The following CLASP1 variants were observed in gnomAD, a reference collection of about 807,000 sequenced individuals.
The protein encoded by CLASP1 is cytoplasmic linker associated protein 1.
In CLASP1, 38 loss-of-function variants were observed where a neutral mutation model predicts 192.3. The ratio of observed to expected loss-of-function variants is 0.20; its 90% CI spans 0.15 to 0.26. The LOEUF is 0.26. Ranked by LOEUF, CLASP1 falls within the 10% of genes least tolerant of loss-of-function variation. CLASP1 has a pLI of 1.00. For missense variants in CLASP1, 1,433 were observed against 1,932.5 expected (o/e 0.74, Z 4.85); for synonymous variants, 691 against 712.8 (o/e 0.97, Z 0.49).
At chr2:121,354,927 T>C (rs2065122594) in intron 37 of CLASP1, among the ~76,000 whole-genome samples, 1 of 152,152 alleles carries the variant, frequency 6.6e-6, no homozygotes, top group Non-Finnish European at 1.5e-5. Flanking sequence ...GGTAACTGAT[T>C]GCCGGGTTCG....
intron 8 of CLASP1, among the ~76,000 whole-genome samples, chr2:121,479,405 A>G (rs542091306): frequency 4.6e-5 from 7 of 152,350 alleles, no homozygotes; most frequent in Non-Finnish European, 7.3e-5. Context: ...GAAAACAACA[A>G]TAGCATCAAT....
chr2:121,527,940 A>C, intron 4 of CLASP1, 50 bp from the exon 5 acceptor site: 1 of 1,462,014 alleles, frequency 6.8e-7, no homozygotes, highest in Non-Finnish European at 9.6e-7. Flanking sequence ...GCTGCAGCTG[A>C]CACTTTATAA....
At chr2:121,348,915 C>T (rs988295508) in intron 37 of CLASP1, among the ~76,000 whole-genome samples, 197 bp from the exon 39 acceptor site, 2 of 152,084 alleles carry the variant, frequency 1.3e-5, no homozygotes, top group African/African-American at 4.8e-5. Flanking sequence ...CACGGAAAGG[C>T]AGGTCTAGGG....
chr2:121,360,804 C>T (rs994232937), intron 37 of CLASP1, among the ~76,000 whole-genome samples: 36 of 152,194 alleles, frequency 2.4e-4, no homozygotes, highest in Admixed American at 1.2e-3. Flanking sequence ...CACATCTCCT[C>T]CACCAGCTCT....
chr2:121,530,347 G>A, intron 2 of CLASP1, 22 bp from the exon 3 acceptor site: 1 of 1,541,200 alleles, frequency 6.5e-7, no homozygotes, highest in Non-Finnish European at 8.8e-7. Flanking sequence ...AACACCGGGA[G>A]CCTGTTAGCA....
At chr2:121,587,033 T>C (rs1295874151) in intron 2 of CLASP1, among the ~76,000 whole-genome samples, 1 of 151,808 alleles carries the variant, frequency 6.6e-6, no homozygotes, top group African/African-American at 2.4e-5. Flanking sequence ...ACAAAGTCAG[T>C]AGTTCAAGAC....
At chr2:121,640,346 G>A (rs1335683011) in intron 1 of CLASP1, among the ~76,000 whole-genome samples, 3 of 152,126 alleles carry the variant, frequency 2.0e-5, no homozygotes, top group Non-Finnish European at 4.4e-5. Flanking sequence ...TTGTGCACAT[G>A]TACCCTAGAA....
chr2:121,437,065 C>T (rs1040744003), intron 19 of CLASP1, among the ~76,000 whole-genome samples: 11 of 152,084 alleles, frequency 7.2e-5, no homozygotes, highest in Non-Finnish European at 8.8e-5. Flanking sequence ...TGTGCTCAAG[C>T]GATCCCCCTG....
chr2:121,414,681 C>A (rs1243126403), intron 23 of CLASP1, among the ~76,000 whole-genome samples: 3 of 152,218 alleles, frequency 2.0e-5, no homozygotes, highest in Non-Finnish European at 4.4e-5. Context: ...AATGTTACTT[C>A]AACGGAAATA....
intron 6 of CLASP1, among the ~76,000 whole-genome samples, chr2:121,524,473 T>C (rs1056529966): frequency 6.6e-6 from 1 of 151,698 alleles, no homozygotes; most frequent in Non-Finnish European, 1.5e-5. Context: ...TTTTTTTTTT[T>C]AAAGAAAAAG....
chr2:121,462,469 A>G, intron 10 of CLASP1, 63 bp downstream of exon 10: 1 of 940,038 alleles, frequency 1.1e-6, no homozygotes, highest in Non-Finnish European at 1.7e-6. Context: ...GCAGAATTGA[A>G]AAATAAAACT....
At chr2:121,389,411 G>T (rs1388484500) in intron 30 of CLASP1, among the ~76,000 whole-genome samples, 1 of 151,076 alleles carries the variant, frequency 6.6e-6, no homozygotes, top group Admixed American at 6.6e-5. Context: ...ATGCATATTT[G>T]CATAACAGAA....
At chr2:121,454,133 G>A (rs563374268) in intron 14 of CLASP1, among the ~76,000 whole-genome samples, 4 of 152,164 alleles carry the variant, frequency 2.6e-5, no homozygotes, top group East Asian at 1.9e-4. Context: ...GTTATGAAGC[G>A]AATTTTATCT....
chr2:121,423,227 A>G (rs1385201866), intron 22 of CLASP1, among the ~76,000 whole-genome samples: 3 of 152,140 alleles, frequency 2.0e-5, no homozygotes, highest in Non-Finnish European at 2.9e-5. Flanking sequence ...CTCTACACGT[A>G]ACTGATCCCT....
chr2:121,420,735 G>A (rs571581221), intron 22 of CLASP1, among the ~76,000 whole-genome samples: 1 of 152,310 alleles, frequency 6.6e-6, no homozygotes, highest in East Asian at 1.9e-4. Context: ...ACAAGTTCAT[G>A]CTTAGTTGAG....
intron 1 of CLASP1, among the ~76,000 whole-genome samples, chr2:121,630,384 ACAC>A (rs2069293779): frequency 3.3e-3 from 32 of 9,632 alleles, no homozygotes; most frequent in African/African-American, 5.1e-3. Flanking sequence ...GGAAAGAAAC[ACAC>A]ACACACACAC....
intron 9 of CLASP1, among the ~76,000 whole-genome samples, chr2:121,465,166 C>A (rs2089267607): frequency 6.6e-6 from 1 of 152,040 alleles, no homozygotes; most frequent in African/African-American, 2.4e-5. Context: ...GAAGTTCTGG[C>A]CAGGGCAATT....
At chr2:121,638,541 C>T (rs1247565757) in intron 1 of CLASP1, among the ~76,000 whole-genome samples, 1 of 152,044 alleles carries the variant, frequency 6.6e-6, no homozygotes, top group Non-Finnish European at 1.5e-5. Context: ...TTCACTGCAC[C>T]ATTATTCACA....
At chr2:121,391,290 A>G (rs2074295620) in intron 30 of CLASP1, among the ~76,000 whole-genome samples, 2 of 152,182 alleles carry the variant, frequency 1.3e-5, no homozygotes, top group African/African-American at 4.8e-5. Context: ...CCAGGACCAG[A>G]GCAGGTTGAA....
Sources: gnomAD v4.1 joint callset for allele counts (sites outside exome capture counted in the v4.1 genomes callset) on GRCh38, gnomAD v4.1.1 for gene constraint, MANE v1.5 for transcripts, NCBI Gene and HGNC (gene_info 2026-07-23, HGNC 2026-07-21) for gene names.